IGLON5: variants seen among roughly 807,000 people sequenced by gnomAD.
IGLON5 encodes the protein Ig-like domain-containing protein ENSP00000270642.
IGLON5 carries 16 observed loss-of-function variants against 38.2 expected under a neutral mutation model. That is an observed-to-expected ratio of 0.42 (90% CI 0.28 to 0.64). IGLON5 has a LOEUF of 0.64. Among genes scored for constraint, IGLON5 ranks in the 30% least tolerant of loss-of-function variants. The pLI is 0.23. For synonymous variants in IGLON5, 207 were observed against 216.4 expected (o/e 0.96, Z 0.38); for missense variants, 366 against 483.4 (o/e 0.76, Z 2.28).
rs753100197 is a variant in IGLON5 at position 51,325,475 on chromosome 19, C to T, written c.511+10C>T. The stretch of plus-strand genomic sequence containing the variant: ...TGGAGACAGCTCCGAGGTGAGGACC[C>T]CATCCCAGGTCAAAAGCCCCGTCCC... On this transcript the variant is annotated intron_variant, in intron 4 of 7. Transcript: ENST00000270642. The surrounding 1 kb of genome is among the most constrained non-coding windows in gnomAD (Gnocchi z 5.5). The T allele has an allele frequency of 1.2e-6, 2 of 1,606,926 alleles. No homozygotes were observed. Among genetic ancestry groups the T allele is most frequent in the Admixed American group, 3.4e-5 (2 of 58,988 alleles).
In IGLON5 at chr19:51,323,538, CG is replaced by C. The variant is rs1160525152; in HGVS notation, c.159-123del. On this transcript the variant is annotated intron_variant, in intron 2 of 7. Transcript: ENST00000270642. Reference sequence around the variant, plus strand: ...GCTGTATGGTGGGCACAGCAGCATCCGCCTCACAGGGCTGTGGTGGGACCTG... The same window carrying C: ...GCTGTATGGTGGGCACAGCAGCATCCCCTCACAGGGCTGTGGTGGGACCTG... The C allele has an allele frequency of 3.0e-4, 228 of 760,954 alleles. No individual in the cohort carries two copies. In the African/African-American group the frequency reaches 3.6e-3, roughly 12 times the overall value. The allele number at this position is 760,954 out of a possible 1,614,324, so 47.1% of individuals were successfully genotyped here.
At chr19:51,312,244 C>T (rs1486498638) in intron 1 of IGLON5, among the ~76,000 whole-genome samples, 1 of 151,668 alleles carries the variant, frequency 6.6e-6, no homozygotes, top group Non-Finnish European at 1.5e-5. Flanking sequence ...GTCTGCGGCT[C>T]CTGTTGAGGA....
chr19:51,325,504 C>T lies in IGLON5; in HGVS notation c.511+39C>T. ...CCCAGGTCAAAAGCCCCGTCCCCCACTGCGCAGTCTGGGCCCCTCCATTCC... is the reference window on the plus strand; with the variant it reads ...CCCAGGTCAAAAGCCCCGTCCCCCATTGCGCAGTCTGGGCCCCTCCATTCC... On this transcript the variant is annotated intron_variant, in intron 4 of 7. Transcript: ENST00000270642. The surrounding 1 kb of genome is among the most constrained non-coding windows in gnomAD (Gnocchi z 5.5). 6.4e-7 allele frequency: 1 copy of T among 1,568,794 alleles called. No individual in the cohort carries two copies. Among genetic ancestry groups the T allele is most frequent in the Non-Finnish European group, 8.6e-7 (1 of 1,157,016 alleles).
chr19:51,315,765 AG>A (rs1984904919), intron 1 of IGLON5, among the ~76,000 whole-genome samples: 1 of 133,766 alleles, frequency 7.5e-6, no homozygotes, highest in South Asian at 2.3e-4. Context: ...GCACTATCTC[AG>A]CTCACTGCAA....
In IGLON5 at chr19:51,328,702, GCC is replaced by G. The variant is rs1361741287; in HGVS notation, c.958_959del (p.Pro320ArgfsTer80). 6.3e-7 allele frequency: 1 copy of G among 1,596,396 alleles called. No homozygotes were observed. Among genetic ancestry groups the G allele is most frequent in the Non-Finnish European group, 8.5e-7 (1 of 1,171,676 alleles). ...PGSLENSAPR[P>X]PGLLALLSAL... ...GATCCCTGGAGAACTCAGCCCCGAGGCCCCCAGGGCTCCTGGCCCTCCTCTCC... is the reference window on the plus strand; with the variant it reads ...GATCCCTGGAGAACTCAGCCCCGAGGCCCAGGGCTCCTGGCCCTCCTCTCC... On this transcript the variant is annotated frameshift_variant, in exon 8 of 8. Transcript: ENST00000270642. LOFTEE classifies it high-confidence loss of function.
chr19:51,315,205 G>A (rs1175904322), intron 1 of IGLON5, among the ~76,000 whole-genome samples: 3 of 152,158 alleles, frequency 2.0e-5, no homozygotes, highest in Admixed American at 6.5e-5. Flanking sequence ...TCAAATGGCC[G>A]CTTCTGCAGC....
Position 51,328,939 on chromosome 19 carries a change from G to A in IGLON5, c.*180G>A, listed in dbSNP as rs552846782. ...AGATCTTCAGAGAACCCATCACTGT[G>A]AGGGATAACGCAAAATTATGCATCT... On this transcript the variant is annotated 3_prime_UTR_variant, in exon 8 of 8. Coordinates refer to ENST00000270642, the MANE Select transcript of IGLON5 (RefSeq NM_001101372.3). The A allele has an allele frequency of 2.9e-5, 15 of 515,292 alleles. No individual in the cohort carries two copies. Among genetic ancestry groups the A allele is most frequent in the African/African-American group, 2.4e-4 (12 of 50,404 alleles). The allele number at this position is 515,292 out of a possible 1,614,324, so 31.9% of individuals were successfully genotyped here.
At chr19:51,315,651 G>T (rs1984899319) in intron 1 of IGLON5, among the ~76,000 whole-genome samples, 1 of 150,522 alleles carries the variant, frequency 6.6e-6, no homozygotes, top group Admixed American at 6.6e-5. Context: ...GAGCAGGGGA[G>T]AGTGGAGTTA....
chr19:51,323,027 C>G (rs1985113326), intron 2 of IGLON5, among the ~76,000 whole-genome samples: 1 of 149,616 alleles, frequency 6.7e-6, no homozygotes, highest in South Asian at 2.1e-4. Flanking sequence ...GTCTCTGGGT[C>G]TCTGTCCCCC....
chr19:51,327,443 G>A lies in IGLON5; in HGVS notation c.767+243G>A, dbSNP rs1429150664. On this transcript the variant is annotated intron_variant, in intron 6 of 7. Transcript: ENST00000270642. The surrounding 1 kb of genome is among the most constrained non-coding windows in gnomAD (Gnocchi z 7.1). ...TCAGGGAGCTGGCCAGGGGTCGGGGGTCAATGCTGAGGATCTGTCGGGCAA... is the reference window on the plus strand; with the variant it reads ...TCAGGGAGCTGGCCAGGGGTCGGGGATCAATGCTGAGGATCTGTCGGGCAA... Among the ~76,000 whole-genome samples, 2 of 152,158 alleles carry A rather than the reference G, an allele frequency of 1.3e-5. No homozygotes were observed. Among genetic ancestry groups the A allele is most frequent in the Non-Finnish European group, 1.5e-5 (1 of 68,022 alleles).
At position 51,327,889 on chromosome 19, in the gene IGLON5, G is replaced by A; in HGVS notation, c.922+3G>A. On this transcript the variant is annotated splice_donor_region_variant and intron_variant, in intron 7 of 7. Coordinates refer to ENST00000270642, the MANE Select transcript of IGLON5 (RefSeq NM_001101372.3). This position sits in a 1 kb window ranked among gnomAD's most constrained non-coding sequence, Gnocchi z 7.1. ...CAGCGCCTCCATGCGGCTCCTGCGT[G>A]CGTCTTCGGGCGGGGCGGGGCCGGG... 1.3e-6 allele frequency: 2 copies of A among 1,499,632 alleles called. No individual in the cohort carries two copies. Among genetic ancestry groups the A allele is most frequent in the Non-Finnish European group, 1.8e-6 (2 of 1,122,652 alleles). The allele number at this position is 1,499,632 out of a possible 1,614,324, so 92.9% of individuals were successfully genotyped here.
intron 4 of IGLON5, among the ~76,000 whole-genome samples, chr19:51,326,392 C>T (rs540836164): frequency 1.2e-4 from 19 of 152,346 alleles, no homozygotes; most frequent in Admixed American, 2.0e-4. Flanking sequence ...GACCCTGCCC[C>T]ACTGGTTCTG....
Position 51,327,206 on chromosome 19 carries a change from G to A in IGLON5, c.767+6G>A, listed in dbSNP as rs367666611. The A allele has an allele frequency of 2.5e-4, 405 of 1,610,090 alleles. 1 individual carries two copies. The highest frequency in any genetic ancestry group is 3.3e-4 in the Non-Finnish European group (385 of 1,178,532). ...TGGTACAAGGATGACAGACTGTGAGGACAGCACTGAGGGGGCCGTGGGAGC... is the reference window on the plus strand; with the variant it reads ...TGGTACAAGGATGACAGACTGTGAGAACAGCACTGAGGGGGCCGTGGGAGC... On this transcript the variant is annotated splice_donor_region_variant and intron_variant, in intron 6 of 7. Coordinates refer to ENST00000270642, the MANE Select transcript of IGLON5 (RefSeq NM_001101372.3). This position sits in a 1 kb window ranked among gnomAD's most constrained non-coding sequence, Gnocchi z 7.1.
chr19:51,317,155 T>C (rs1248823631), intron 1 of IGLON5, among the ~76,000 whole-genome samples: 2 of 152,120 alleles, frequency 1.3e-5, no homozygotes, highest in African/African-American at 4.8e-5. Flanking sequence ...ACCACCTTCA[T>C]TCCCAGGTTT....
chr19:51,311,949 G>C, intron 1 of IGLON5, 23 bp downstream of exon 1: 1 of 1,259,474 alleles, frequency 7.9e-7, no homozygotes, highest in Middle Eastern at 3.0e-4. Flanking sequence ...CGGGGGCGGG[G>C]GGCTCGGCCG....
intron 2 of IGLON5, among the ~76,000 whole-genome samples, chr19:51,322,447 TCCAGAGAGAAGGGG>T (rs1568458590): frequency 2.1e-5 from 3 of 145,312 alleles, no homozygotes; most frequent in African/African-American, 8.2e-5. Flanking sequence ...GGGACAGAGA[TCCAGAGAGAAGGGG>T]ACAGAGATCC....
At chr19:51,319,759 G>C (rs1985008949) in intron 1 of IGLON5, among the ~76,000 whole-genome samples, 1 of 152,178 alleles carries the variant, frequency 6.6e-6, no homozygotes, top group South Asian at 2.1e-4. Context: ...GGGTGCCTGT[G>C]CAGAGCTGGG....
At chr19:51,315,217 G>C (rs1265756826) in intron 1 of IGLON5, among the ~76,000 whole-genome samples, 1 of 152,206 alleles carries the variant, frequency 6.6e-6, no homozygotes, top group Non-Finnish European at 1.5e-5. Context: ...TTCTGCAGCA[G>C]CAAATGAGGT....
In IGLON5 at chr19:51,324,484, T is replaced by G. The variant is rs779577902; in HGVS notation, c.391+590T>G. Among the ~76,000 whole-genome samples, 21 of 152,022 alleles carry G rather than the reference T, an allele frequency of 1.4e-4. No individual in the cohort carries two copies. Among genetic ancestry groups the G allele is most frequent in the Non-Finnish European group, 2.6e-4 (18 of 67,986 alleles). ...GAAATGGTGGAGGGTAGGGAGCACC[T>G]GGAGAGACAGGACCTGGAGACAGAG... On this transcript the variant is annotated intron_variant, in intron 3 of 7. Transcript: ENST00000270642. The surrounding 1 kb of genome is among the most constrained non-coding windows in gnomAD (Gnocchi z 4.2).
Sources: allele counts gnomAD v4.1 joint callset (sites outside exome capture counted in the v4.1 genomes callset), GRCh38; gene constraint gnomAD v4.1.1; non-coding constraint Gnocchi (gnomAD v3.1); transcripts MANE v1.5; gene names NCBI Gene and HGNC (gene_info 2026-07-23, HGNC 2026-07-21).